CFAP54: variants seen among roughly 807,000 people sequenced by gnomAD.
The protein encoded by CFAP54 is cilia and flagella associated protein 54.
A neutral mutation model predicts 370.4 loss-of-function variants in CFAP54; 290 were observed. That is an observed-to-expected ratio of 0.78 (90% CI 0.71 to 0.86). CFAP54 has a LOEUF of 0.86. Among genes scored for constraint, CFAP54 ranks in the 40% least tolerant of loss-of-function variants. The pLI, the probability that CFAP54 is intolerant of heterozygous loss-of-function variation, is 0.00. For missense variants in CFAP54, 3,399 were observed against 3,528.7 expected (o/e 0.96, Z 0.93); for synonymous variants, 1,206 against 1,236.5 (o/e 0.98, Z 0.52).
At chr12:96,493,396 C>G (rs1019172718) in intron 1 of CFAP54, among the ~76,000 whole-genome samples, 5 of 152,230 alleles carry the variant, frequency 3.3e-5, no homozygotes, top group Admixed American at 3.3e-4. Flanking sequence ...AGGCTTCCTA[C>G]TAGGCACTCT....
chr12:96,800,502 G>T (rs1261485135), intron 63 of CFAP54, among the ~76,000 whole-genome samples: 2 of 152,186 alleles, frequency 1.3e-5, no homozygotes, highest in Non-Finnish European at 2.9e-5. Context: ...ATTGGGTCAT[G>T]ATAAAAGATG....
intron 15 of CFAP54, among the ~76,000 whole-genome samples, chr12:96,550,674 T>C (rs1955685283): frequency 6.6e-6 from 1 of 152,182 alleles, no homozygotes; most frequent in African/African-American, 2.4e-5. Context: ...AGAAAACACT[T>C]AGAGATTTTG....
chr12:96,706,452 C>T (rs1187973948), intron 47 of CFAP54, among the ~76,000 whole-genome samples: 1 of 152,030 alleles, frequency 6.6e-6, no homozygotes, highest in African/African-American at 2.4e-5. Flanking sequence ...AGTGAAAAGG[C>T]CCTGAGACAA....
chr12:96,857,601 T>C (rs1959746325), intron 66 of CFAP54, among the ~76,000 whole-genome samples: 1 of 152,176 alleles, frequency 6.6e-6, no homozygotes. Flanking sequence ...TACCCAAATC[T>C]CATCTCAAAT....
At chr12:96,625,868 T>TCTTCA in intron 29 of CFAP54, 61 bp downstream of exon 29, 1 of 1,262,526 alleles carries the variant, frequency 7.9e-7, no homozygotes, top group Non-Finnish European at 1.1e-6. Flanking sequence ...GAATTAATTC[T>TCTTCA]GTGGATTTTG....
chr12:96,716,008 C>T (rs535912980), intron 48 of CFAP54, among the ~76,000 whole-genome samples: 132 of 152,230 alleles, frequency 8.7e-4, no homozygotes, highest in Non-Finnish European at 1.3e-3. Context: ...CTTTTTCTCT[C>T]GTGCTTTTCC....
intron 45 of CFAP54, among the ~76,000 whole-genome samples, chr12:96,697,994 C>T (rs568277606): frequency 6.6e-6 from 1 of 152,336 alleles, no homozygotes; most frequent in Admixed American, 6.5e-5. Flanking sequence ...ATTTTCATGT[C>T]TGTCTCCTTT....
intron 50 of CFAP54, among the ~76,000 whole-genome samples, chr12:96,728,819 G>T (rs1406881094): frequency 6.6e-6 from 1 of 152,028 alleles, no homozygotes. Flanking sequence ...TATCTGCTTT[G>T]GGTCTTTGAT....
Position 96,810,447 on chromosome 12 carries a change from T to C in CFAP54, c.8851-1289T>C, listed in dbSNP as rs928758268. On this transcript the variant is annotated intron_variant, in intron 63 of 67. Transcript: ENST00000524981. ...CATGTGCTTTTAGGGGTGAAGAGAGTTTTTTCCTCCTCTTCTAAAGATTTG... is the reference window on the plus strand; with the variant it reads ...CATGTGCTTTTAGGGGTGAAGAGAGCTTTTTCCTCCTCTTCTAAAGATTTG... Among the ~76,000 whole-genome samples the C allele has an allele frequency of 6.6e-5, 10 of 152,102 alleles. No individual in the cohort carries two copies. In the East Asian group the frequency reaches 9.6e-4, roughly 15 times the overall value.
chr12:96,553,889 A>G (rs1319628123), intron 15 of CFAP54, among the ~76,000 whole-genome samples: 1 of 152,128 alleles, frequency 6.6e-6, no homozygotes, highest in Non-Finnish European at 1.5e-5. Context: ...CATTTAGTAC[A>G]ATCAGAATTA....
At chr12:96,652,620 A>G (rs1357492010) in intron 36 of CFAP54, among the ~76,000 whole-genome samples, 1 of 152,210 alleles carries the variant, frequency 6.6e-6, no homozygotes, top group East Asian at 1.9e-4. Context: ...AAACAAGTAG[A>G]AAACATTCAC....
chr12:96,868,792 C>A (rs566499754), intron 67 of CFAP54, among the ~76,000 whole-genome samples: 1 of 152,044 alleles, frequency 6.6e-6, no homozygotes, highest in African/African-American at 2.4e-5. Context: ...CCTTTGCATT[C>A]ACTGGGAGTC....
intron 35 of CFAP54, among the ~76,000 whole-genome samples, 189 bp from the exon 36 acceptor site, chr12:96,651,399 T>C (rs1956856070): frequency 6.6e-6 from 1 of 152,176 alleles, no homozygotes; most frequent in Admixed American, 6.5e-5. Flanking sequence ...GCACACTTAC[T>C]TCATGGAAAT....
intron 28 of CFAP54, among the ~76,000 whole-genome samples, chr12:96,624,671 C>CG (rs1565918658): frequency 1.3e-5 from 2 of 152,164 alleles, no homozygotes; most frequent in African/African-American, 4.8e-5. Flanking sequence ...AAACCAAGTA[C>CG]GAGGCTCTAC....
intron 60 of CFAP54, among the ~76,000 whole-genome samples, chr12:96,766,149 T>C (rs2136673319): frequency 6.6e-6 from 1 of 152,344 alleles, no homozygotes. Context: ...CTCTGCTGCA[T>C]TGTTGGGTCA....
intron 26 of CFAP54, among the ~76,000 whole-genome samples, chr12:96,614,805 G>A (rs1022100803): frequency 6.6e-6 from 1 of 152,038 alleles, no homozygotes; most frequent in African/African-American, 2.4e-5. Flanking sequence ...ACTTACAAGG[G>A]ATGTGAAGGA....
chr12:96,674,441 C>T (rs1957181382), intron 39 of CFAP54, among the ~76,000 whole-genome samples: 1 of 144,592 alleles, frequency 6.9e-6, no homozygotes, highest in Non-Finnish European at 1.5e-5. Context: ...TATCCATGGA[C>T]GTTTTCAGAG....
At chr12:96,650,382 G>A (rs994402062) in intron 35 of CFAP54, among the ~76,000 whole-genome samples, 2 of 151,982 alleles carry the variant, frequency 1.3e-5, no homozygotes, top group African/African-American at 2.4e-5. Context: ...CCTCTCTGCC[G>A]AGACATGGGG....
At chr12:96,756,750 G>T (rs1958262788) in intron 57 of CFAP54, among the ~76,000 whole-genome samples, 187 bp downstream of exon 57, 1 of 152,172 alleles carries the variant, frequency 6.6e-6, no homozygotes, top group African/African-American at 2.4e-5. Flanking sequence ...AATGGTAAAT[G>T]ATGGCTGTCC....
Sources: gnomAD v4.1 joint callset for allele counts (sites outside exome capture counted in the v4.1 genomes callset) on GRCh38, gnomAD v4.1.1 for gene constraint, MANE v1.5 for transcripts, NCBI Gene and HGNC (gene_info 2026-07-23, HGNC 2026-07-21) for gene names.